RNASEH2A: variants seen among roughly 807,000 people sequenced by gnomAD.
RNASEH2A encodes ribonuclease H2 subunit A.
RNASEH2A carries 30 observed loss-of-function variants against 32.7 expected under a neutral mutation model. The observed-to-expected ratio is 0.92, with a 90% CI of 0.69 to 1.25. The LOEUF (loss-of-function observed/expected upper bound fraction) is 1.25. Ranked by LOEUF, RNASEH2A falls within the 50% of genes most tolerant of loss-of-function variation. The pLI, the probability that RNASEH2A is intolerant of heterozygous loss-of-function variation, is 0.00. For missense variants in RNASEH2A, 409 were observed against 398.1 expected (o/e 1.03, Z -0.23); for synonymous variants, 147 against 165.4 (o/e 0.89, Z 0.86).
At chr19:12,807,625 G>A (rs1969013903) in intron 4 of RNASEH2A, 119 bp downstream of exon 4, 2 of 912,230 alleles carry the variant, frequency 2.2e-6, no homozygotes, top group Admixed American at 2.0e-5. Context: ...GGGTGACAAA[G>A]GAAGCCCCCC....
chr19:12,809,876 A>G (rs1441986506), intron 4 of RNASEH2A, among the ~76,000 whole-genome samples, 195 bp from the exon 5 acceptor site: 1 of 152,132 alleles, frequency 6.6e-6, no homozygotes, highest in Non-Finnish European at 1.5e-5. Flanking sequence ...AGCCTCCCAA[A>G]GTGCTGGGAT....
chr19:12,809,764 C>CTTTGT lies in RNASEH2A; in HGVS notation c.412-304_412-303insGTTTT, dbSNP rs150321714. ...AGCCTCTTCAGGAGGTGAGTTTTTTCTTTATTTTATTGTATTTATTTTATG... is the reference window on the plus strand; with the variant it reads ...AGCCTCTTCAGGAGGTGAGTTTTTTCTTTGTTTTATTTTATTGTATTTATTTTATG... On this transcript the variant is annotated intron_variant, in intron 4 of 7. Transcript: ENST00000221486. Among the ~76,000 whole-genome samples the CTTTGT allele has an allele frequency of 0.066, 10,060 of 152,098 alleles. 525 individuals are homozygous for CTTTGT. The highest frequency in any genetic ancestry group is 0.14 in the African/African-American group (6,007 of 41,502).
At chr19:12,812,221 G>A (rs1969084150) in intron 6 of RNASEH2A, among the ~76,000 whole-genome samples, 4 of 151,472 alleles carry the variant, frequency 2.6e-5, no homozygotes, top group South Asian at 2.1e-4. Context: ...GTAATAGAGC[G>A]AGACCCTATC....
In RNASEH2A at chr19:12,810,109, G is replaced by A. The variant is rs1050699334; in HGVS notation, c.450G>A (p.Gln150=). 4 of 1,614,086 alleles carry A rather than the reference G, an allele frequency of 2.5e-6. No individual in the cohort carries two copies. In the African/African-American group the frequency reaches 5.3e-5, roughly 22 times the overall value. The change falls in exon 5 of 8, where the codon CAG becomes CAA. Residue 150 remains glutamine, a synonymous_variant. Coordinates refer to ENST00000221486, the MANE Select transcript of RNASEH2A (RefSeq NM_006397.3). ...CCGTAGGGATGCCAGAGACATACCA[G>A]GCGCGGCTGCAGCAAAGTTTTCCCG... ...VDTVGMPETY[Q]ARLQQSFPGI...
intron 6 of RNASEH2A, among the ~76,000 whole-genome samples, chr19:12,811,863 G>T (rs964954841): frequency 6.6e-6 from 1 of 151,846 alleles, no homozygotes; most frequent in Non-Finnish European, 1.5e-5. Flanking sequence ...GTTGCAGTGA[G>T]CCGAGATCGC....
In RNASEH2A at chr19:12,813,197, A is replaced by G. The variant is rs768983249; in HGVS notation, c.752A>G (p.Asp251Gly). ...ACCATCCTGGAGAAAGAGGCGGAAG[A>G]TGTTATATGGTGGGTGTCATGGATG... is the stretch of plus-strand genomic sequence containing the variant. ...AQTILEKEAE[D>G]VIWEDSASEN... Residue 251 changes from aspartate to glycine, a missense_variant, in exon 7 of 8, where the codon GAT (aspartate) becomes GGT (glycine). Asp to Gly is a moderately conservative substitution (Grantham distance 94). Coordinates refer to ENST00000221486, the MANE Select transcript of RNASEH2A (RefSeq NM_006397.3). The G allele has an allele frequency of 5.6e-6, 9 of 1,613,962 alleles. No individual in the cohort carries two copies. In the Admixed American group the frequency reaches 1.2e-4, roughly 21 times the overall value.
Position 12,807,489 on chromosome 19 carries a change from G to A in RNASEH2A, c.394G>A (p.Gly132Ser). 1 of 1,614,060 alleles carries A rather than the reference G, an allele frequency of 6.2e-7. No homozygotes were observed. Residue 132 changes from glycine (G) to serine (S), a missense_variant, in exon 4 of 8, where the codon GGC becomes AGC. By Grantham distance (56) the Gly-to-Ser change is moderately conservative (BLOSUM62 0). Transcript: ENST00000221486. ...TGLIQYALDQGVNVTQVFVDT... is the reference protein window; with the variant it reads ...TGLIQYALDQSVNVTQVFVDT... Reference sequence around the variant, plus strand: ...GCTTATACAGTATGCATTGGACCAGGGCGTGAACGTCACCCAGGTGAGTTA... The same window carrying A: ...GCTTATACAGTATGCATTGGACCAGAGCGTGAACGTCACCCAGGTGAGTTA...
chr19:12,809,992 G>A (rs1969049517), intron 4 of RNASEH2A, 79 bp from the exon 5 acceptor site: 1 of 1,580,322 alleles, frequency 6.3e-7, no homozygotes, highest in Non-Finnish European at 8.7e-7. Context: ...TGGGTAGCAG[G>A]AAGAACGTGC....
chr19:12,809,395 G>A (rs531408955), intron 4 of RNASEH2A, among the ~76,000 whole-genome samples: 1 of 152,186 alleles, frequency 6.6e-6, no homozygotes, highest in African/African-American at 2.4e-5. Context: ...CCTGGTCCCA[G>A]CTCAGGGCCT....
chr19:12,808,624 C>T (rs573583401), intron 4 of RNASEH2A, among the ~76,000 whole-genome samples: 6 of 152,212 alleles, frequency 3.9e-5, no homozygotes, highest in East Asian at 1.9e-4. Flanking sequence ...ATGCACATCT[C>T]GACATTTAGT....
chr19:12,807,333 AG>A lies in RNASEH2A; in HGVS notation c.323+8del. On this transcript the variant is annotated splice_donor_5th_base_variant and intron_variant, in intron 3 of 7. Transcript: ENST00000221486. ...TCTCTACCAGCATGCTTGGGCGGTG[AG>A]GGGTCCCCGGGAGGGGCAGCCAGCA... 6.2e-7 allele frequency: 1 copy of A among 1,614,108 alleles called. No homozygotes were observed. The highest frequency in any genetic ancestry group is 2.2e-5 in the East Asian group (1 of 44,874).
chr19:12,812,985 C>T, intron 6 of RNASEH2A, 98 bp from the exon 7 acceptor site: 1 of 1,550,836 alleles, frequency 6.4e-7, no homozygotes, highest in East Asian at 2.3e-5. Flanking sequence ...AGCCTGGCTA[C>T]AGAGTGGGAC....
At position 12,807,228 on chromosome 19, in the gene RNASEH2A, C is replaced by T. The variant is rs891089016; in HGVS notation, c.222C>T (p.Ser74=). Reference sequence around the variant, plus strand: ...CAGACTCAAAGACCCTATTGGAGAGCGAGCGGGAAAGGCTGTTTGCGAAAA... The same window carrying T: ...CAGACTCAAAGACCCTATTGGAGAGTGAGCGGGAAAGGCTGTTTGCGAAAA... ...KVADSKTLLE[S]ERERLFAKME... Residue 74 remains serine (S), a synonymous_variant, in exon 3 of 8, where the codon AGC becomes AGT. Coordinates refer to ENST00000221486, the MANE Select transcript of RNASEH2A (RefSeq NM_006397.3). The T allele has an allele frequency of 5.6e-6, 9 of 1,614,010 alleles. No homozygotes were observed. The highest frequency in any genetic ancestry group is 3.3e-4 in the Middle Eastern group (2 of 6,084).
chr19:12,810,034 T>C, intron 4 of RNASEH2A, 37 bp from the exon 5 acceptor site: 1 of 1,613,888 alleles, frequency 6.2e-7, no homozygotes, highest in South Asian at 1.1e-5. Flanking sequence ...TTGGTACAGT[T>C]GTTTGTTCAA....
intron 4 of RNASEH2A, among the ~76,000 whole-genome samples, chr19:12,808,302 C>A (rs1969026125): frequency 6.6e-6 from 1 of 152,092 alleles, no homozygotes; most frequent in Non-Finnish European, 1.5e-5. Context: ...TGTGCAGATT[C>A]AGCATCAGAT....
At position 12,813,426 on chromosome 19, in the gene RNASEH2A, A is replaced by G. The variant is rs1969104420; in HGVS notation, c.860A>G (p.Tyr287Cys). The change falls in exon 8 of 8, where the codon TAT (tyrosine) becomes TGT (cysteine). Residue 287 changes from tyrosine (Y) to cysteine (C), a missense_variant. Physicochemically the swap from Tyr to Cys is radical, Grantham distance 194. Coordinates refer to ENST00000221486, the MANE Select transcript of RNASEH2A (RefSeq NM_006397.3). ...SQARPRSSHR[Y>C]FLERGLESAT... ...GCCCGTCCCCGTTCTTCCCACCGAT[A>G]TTTCCTGGAACGCGGCCTGGAGTCA... 1 of 1,614,062 alleles carries G rather than the reference A, an allele frequency of 6.2e-7. No individual in the cohort carries two copies. The highest frequency in any genetic ancestry group is 8.5e-7 in the Non-Finnish European group (1 of 1,180,032).
chr19:12,812,505 C>T (rs1391321456), intron 6 of RNASEH2A, among the ~76,000 whole-genome samples: 1 of 151,998 alleles, frequency 6.6e-6, no homozygotes, highest in Non-Finnish European at 1.5e-5. Flanking sequence ...GCACTACAGC[C>T]TGGGTGACAG....
At chr19:12,813,262 G>A (rs200504296) in intron 7 of RNASEH2A, 56 bp downstream of exon 7, 166 of 1,613,838 alleles carry the variant, frequency 1.0e-4, no homozygotes, top group Non-Finnish European at 1.2e-4. Flanking sequence ...GGAGGCCAGC[G>A]TTCAGCCCTG....
At chr19:12,812,972 T>A in intron 6 of RNASEH2A, 111 bp from the exon 7 acceptor site, 1 of 1,500,676 alleles carries the variant, frequency 6.7e-7, no homozygotes, top group South Asian at 1.2e-5. Context: ...GCCACTGCAC[T>A]CCAGCCTGGC....
Sources: allele counts gnomAD v4.1 joint callset (sites outside exome capture counted in the v4.1 genomes callset), GRCh38; gene constraint gnomAD v4.1.1; transcripts MANE v1.5; gene names NCBI Gene and HGNC (gene_info 2026-07-23, HGNC 2026-07-21).